EOMES: variants seen among roughly 807,000 people sequenced by gnomAD.
The protein encoded by EOMES is eomesodermin homolog.
EOMES carries 18 observed loss-of-function variants against 61.0 expected under a neutral mutation model. The ratio of observed to expected loss-of-function variants is 0.30; its 90% CI spans 0.20 to 0.44. EOMES has a LOEUF of 0.44. Among genes scored for constraint, EOMES ranks in the 20% least tolerant of loss-of-function variants. The probability of loss-of-function intolerance (pLI) is 1.00; values close to 1 mark genes in which losing one functional copy is unlikely to be tolerated. For missense variants in EOMES, 885 were observed against 939.2 expected, an observed-to-expected ratio of 0.94 and a Z score of 0.75; for synonymous variants, 430 against 394.0, an observed-to-expected ratio of 1.09 and a Z score of -1.08.
chr3:27,721,917 G>C lies in EOMES; in HGVS notation c.378C>G (p.Ala126=). The C allele has an allele frequency of 8.1e-7, 1 of 1,240,862 alleles. No individual in the cohort carries two copies. Among genetic ancestry groups the C allele is most frequent in the Middle Eastern group, 3.0e-4 (1 of 3,360 alleles). 76.9% of individuals were successfully genotyped at this position (1,240,862 alleles called of 1,614,324 possible). A position where few individuals can be genotyped will look rare whatever the true frequency, so the allele number is the denominator to read the frequency against. Residue 126 remains alanine, a synonymous_variant, in exon 1 of 6, where the codon GCC becomes GCG. Coordinates refer to ENST00000449599, the MANE Select transcript of EOMES (RefSeq NM_001278182.2). This position sits in a 1 kb window ranked among gnomAD's most constrained non-coding sequence, Gnocchi z 7.4. ...AGTAGCGCGCAGTGGCCGCAGCCGC[G>C]GCGGCGGCGGCGGCGGCGGCTGCAG... is the stretch of plus-strand genomic sequence containing the variant. ...SAAAAAAAAA[A]AAAATARYSM...
At position 27,721,916 on chromosome 3, in the gene EOMES, C is replaced by CGGG; in HGVS notation, c.378_379insCCC (p.Ala126_Ala127insPro). The stretch of plus-strand genomic sequence containing the variant: ...GAGTAGCGCGCAGTGGCCGCAGCCG[C>CGGG]GGCGGCGGCGGCGGCGGCGGCTGCA... On this transcript the variant is annotated inframe_insertion, in exon 1 of 6. Transcript: ENST00000449599. This position sits in a 1 kb window ranked among gnomAD's most constrained non-coding sequence, Gnocchi z 7.4. 1 of 1,246,978 alleles carries CGGG rather than the reference C, an allele frequency of 8.0e-7. No homozygotes were observed. Among genetic ancestry groups the CGGG allele is most frequent in the Non-Finnish European group, 1.0e-6 (1 of 986,478 alleles). 77.2% of individuals were successfully genotyped at this position (1,246,978 alleles called of 1,614,324 possible). A position where few individuals can be genotyped will look rare whatever the true frequency, so the allele number is the denominator to read the frequency against.
In EOMES at chr3:27,721,932, G is replaced by GGCGGCT; in HGVS notation, c.357_362dup (p.Ala129_Ala130dup). The GGCGGCT allele has an allele frequency of 7.3e-7, 1 of 1,369,454 alleles. No homozygotes were observed. The allele number at this position is 1,369,454 out of a possible 1,614,324, so 84.8% of individuals were successfully genotyped here. On this transcript the variant is annotated inframe_insertion, in exon 1 of 6. Coordinates refer to ENST00000449599, the MANE Select transcript of EOMES (RefSeq NM_001278182.2). The surrounding 1 kb of genome is among the most constrained non-coding windows in gnomAD (Gnocchi z 7.4). The stretch of plus-strand genomic sequence containing the variant: ...CCGCAGCCGCGGCGGCGGCGGCGGC[G>GGCGGCT]GCGGCTGCAGCGGCGGAGGGCAGCT...
intron 2 of EOMES, among the ~76,000 whole-genome samples, chr3:27,719,808 A>G (rs2060597011): frequency 1.3e-5 from 2 of 152,168 alleles, no homozygotes; most frequent in Non-Finnish European, 1.5e-5. Context: ...GATGGAAGAC[A>G]GTTGGATATT....
chr3:27,720,724 T>C (rs989215837), intron 1 of EOMES, among the ~76,000 whole-genome samples: 10 of 152,072 alleles, frequency 6.6e-5, no homozygotes, highest in Non-Finnish European at 1.3e-4. Flanking sequence ...GAGAACAATA[T>C]TAGGTTATTC....
Position 27,718,852 on chromosome 3 carries a change from C to T in EOMES, c.1200G>A (p.Leu400=), listed in dbSNP as rs765769259. 7 of 1,613,804 alleles carry T rather than the reference C, an allele frequency of 4.3e-6. No homozygotes were observed. In the East Asian group the frequency reaches 1.3e-4, roughly 31 times the overall value. The part of the protein sequence containing the change: ...LQSLHKYQPR[L]HIVEVTEDGV... ...CATCCTCTGTAACTTCAACAATATG[C>T]AGTCGGGGTTGGTATTTGTGTAAGG... Residue 400 remains leucine, a synonymous_variant, in exon 4 of 6, where the codon CTG becomes CTA. Transcript: ENST00000449599.
intron 2 of EOMES, among the ~76,000 whole-genome samples, 196 bp downstream of exon 2, chr3:27,719,975 G>A (rs1266268025): frequency 2.6e-5 from 4 of 151,992 alleles, no homozygotes. Flanking sequence ...TCTACATATT[G>A]GCAGACAAGA....
chr3:27,719,765 T>C (rs2060596576), intron 2 of EOMES, among the ~76,000 whole-genome samples: 1 of 152,130 alleles, frequency 6.6e-6, no homozygotes, highest in Non-Finnish European at 1.5e-5. Context: ...GAAGGTCAAT[T>C]TGGGGCCTTC....
upstream of EOMES, chr3:27,722,502 C>T: frequency 1.5e-6 from 2 of 1,351,116 alleles, no homozygotes; most frequent in Non-Finnish European, 1.9e-6. Flanking sequence ...AAGGAAAGCG[C>T]CGTGAGTTGG....
Position 27,721,944 on chromosome 3 carries a change from G to T in EOMES, c.351C>A (p.Ala117=). 1.5e-6 allele frequency: 2 copies of T among 1,296,242 alleles called. No homozygotes were observed. Among genetic ancestry groups the T allele is most frequent in the Middle Eastern group, 2.9e-4 (1 of 3,456 alleles). The allele number at this position is 1,296,242 out of a possible 1,614,324, so 80.3% of individuals were successfully genotyped here. A position where few individuals can be genotyped will look rare whatever the true frequency, so the allele number is the denominator to read the frequency against. Residue 117 remains alanine (A), a synonymous_variant, in exon 1 of 6, where the codon GCC becomes GCA. Coordinates refer to ENST00000449599, the MANE Select transcript of EOMES (RefSeq NM_001278182.2). The surrounding 1 kb of genome is among the most constrained non-coding windows in gnomAD (Gnocchi z 7.4). ...SPCGEEELPS[A]AAAAAAAAAA... ...CGGCGGCGGCGGCGGCGGCTGCAGC[G>T]GCGGAGGGCAGCTCCTCCTCCCCGC...
chr3:27,719,086 G>A (rs754646714), intron 3 of EOMES, among the ~76,000 whole-genome samples, 193 bp from the exon 4 acceptor site: 3 of 151,652 alleles, frequency 2.0e-5, no homozygotes, highest in Non-Finnish European at 4.4e-5. Flanking sequence ...TCATAGCTGG[G>A]TATGTGGTTG....
Position 27,721,574 on chromosome 3 carries a change from C to A in EOMES, c.721G>T (p.Gly241Trp). The A allele has an allele frequency of 1.9e-6, 3 of 1,590,648 alleles. No homozygotes were observed. Among genetic ancestry groups the A allele is most frequent in the South Asian group, 1.1e-5 (1 of 88,106 alleles). Reference protein sequence around the residue: ...YQYSQGAPLYGPYPGAAAAGS... With the variant: ...YQYSQGAPLYWPYPGAAAAGS... ...GCCGCTGCGGCTCCAGGGTACGGCC[C>A]GTAGAGCGGAGCCCCCTGGCTGTAC... is the stretch of plus-strand genomic sequence containing the variant. Residue 241 changes from glycine (G) to tryptophan (W), a missense_variant, in exon 1 of 6, where the codon GGG becomes TGG. Gly to Trp is a radical substitution (Grantham distance 184). Transcript: ENST00000449599. This position sits in a 1 kb window ranked among gnomAD's most constrained non-coding sequence, Gnocchi z 7.4.
chr3:27,721,422 T>C lies in EOMES; in HGVS notation c.873A>G (p.Lys291=). 1 of 1,611,792 alleles carries C rather than the reference T, an allele frequency of 6.2e-7. No individual in the cohort carries two copies. Among genetic ancestry groups the C allele is most frequent in the Non-Finnish European group, 8.5e-7 (1 of 1,179,262 alleles). ...HRHQTEMIIT[K]QGRRMFPFLS... is the part of the protein sequence containing the mutation. ...CTCCACGCTGCGCTCACCTGCCCTG[T>C]TTCGTAATGATCATCTCAGTTTGGT... Residue 291 remains lysine, a synonymous_variant, in exon 1 of 6, where the codon AAA becomes AAG. Transcript: ENST00000449599. This position sits in a 1 kb window ranked among gnomAD's most constrained non-coding sequence, Gnocchi z 7.4.
At position 27,721,561 on chromosome 3, in the gene EOMES, C is replaced by G; in HGVS notation, c.734G>C (p.Gly245Ala). The G allele has an allele frequency of 6.2e-7, 1 of 1,602,178 alleles. No individual in the cohort carries two copies. The highest frequency in any genetic ancestry group is 8.5e-7 in the Non-Finnish European group (1 of 1,175,232). The change falls in exon 1 of 6, where the codon GGA becomes GCA. Residue 245 changes from glycine (G) to alanine (A), a missense_variant. Transcript: ENST00000449599. The surrounding 1 kb of genome is among the most constrained non-coding windows in gnomAD (Gnocchi z 7.4). ...QGAPLYGPYP[G>A]AAAAGSCGGL... Reference sequence around the variant, plus strand: ...TCCGCAAGATCCCGCCGCTGCGGCTCCAGGGTACGGCCCGTAGAGCGGAGC... The same window carrying G: ...TCCGCAAGATCCCGCCGCTGCGGCTGCAGGGTACGGCCCGTAGAGCGGAGC...
In EOMES at chr3:27,718,083, C is replaced by T. The variant is rs867081828; in HGVS notation, c.1380-275G>A. On this transcript the variant is annotated intron_variant, in intron 5 of 5. Transcript: ENST00000449599. ...ATCTACCTTTACTAGTCCTAGAACA[C>T]GAAAAACTCAGATCAAACCTCCTTT... Among the ~76,000 whole-genome samples, 9 of 152,180 alleles carry T rather than the reference C, an allele frequency of 5.9e-5. No homozygotes were observed. The East Asian group carries it at 9.7e-4, about 16-fold the overall frequency.
Position 27,721,678 on chromosome 3 carries a change from G to C in EOMES, c.617C>G (p.Ala206Gly). ...CGCACCGGCTCCTGGGCCGAACTGCGCCCTCCCGGGTGGGCACACAGCCGC... is the reference window on the plus strand; with the variant it reads ...CGCACCGGCTCCTGGGCCGAACTGCCCCCTCCCGGGTGGGCACACAGCCGC... Reference protein sequence around the residue: ...FPAAVCPPGRAQFGPGAGAGS... With the variant: ...FPAAVCPPGRGQFGPGAGAGS... Residue 206 changes from alanine to glycine, a missense_variant, in exon 1 of 6, where the codon GCG becomes GGG. Coordinates refer to ENST00000449599, the MANE Select transcript of EOMES (RefSeq NM_001278182.2). The surrounding 1 kb of genome is among the most constrained non-coding windows in gnomAD (Gnocchi z 7.4). 2 of 1,530,602 alleles carry C rather than the reference G, an allele frequency of 1.3e-6. No homozygotes were observed. The highest frequency in any genetic ancestry group is 1.7e-6 in the Non-Finnish European group (2 of 1,142,906). The allele number at this position is 1,530,602 out of a possible 1,614,324, so 94.8% of individuals were successfully genotyped here. A position where few individuals can be genotyped will look rare whatever the true frequency, so the allele number is the denominator to read the frequency against.
chr3:27,721,730 A>G lies in EOMES; in HGVS notation c.565T>C (p.Ser189Pro). The G allele has an allele frequency of 4.0e-6, 6 of 1,486,464 alleles. No individual in the cohort carries two copies. The highest frequency in any genetic ancestry group is 5.3e-6 in the Non-Finnish European group (6 of 1,129,282). The allele number at this position is 1,486,464 out of a possible 1,614,324, so 92.1% of individuals were successfully genotyped here. A position where few individuals can be genotyped will look rare whatever the true frequency, so the allele number is the denominator to read the frequency against. ...APNGARYPYG[S>P]MLPPGGFPAA... Reference sequence around the variant, plus strand: ...GGGAAGCCGCCGGGGGGCAGCATGGAGCCGTAGGGGTAGCGCGCCCCGTTA... The same window carrying G: ...GGGAAGCCGCCGGGGGGCAGCATGGGGCCGTAGGGGTAGCGCGCCCCGTTA... The change falls in exon 1 of 6, where the codon TCC becomes CCC. Residue 189 changes from serine (S) to proline (P), a missense_variant. Ser to Pro is a moderately conservative substitution (Grantham distance 74, BLOSUM62 -1). Transcript: ENST00000449599. The surrounding 1 kb of genome is among the most constrained non-coding windows in gnomAD (Gnocchi z 7.4).
chr3:27,719,598 G>T, intron 2 of EOMES, 117 bp from the exon 3 acceptor site: 1 of 941,154 alleles, frequency 1.1e-6, no homozygotes, highest in Non-Finnish European at 1.6e-6. Context: ...CTTACAGTTG[G>T]TCTCCCAGTA....
In EOMES at chr3:27,722,242, T is replaced by G. The variant is rs751084550; in HGVS notation, c.53A>C (p.His18Pro). 8 of 1,605,174 alleles carry G rather than the reference T, an allele frequency of 5.0e-6. No homozygotes were observed. The highest frequency in any genetic ancestry group is 1.7e-4 in the Middle Eastern group (1 of 6,038). Residue 18 changes from histidine (H) to proline (P), a missense_variant, in exon 1 of 6, where the codon CAC becomes CCC. Physicochemically the swap from His to Pro is moderately conservative, Grantham distance 77. This residue lies in a region of EOMES where 449 missense variants were observed against 383.6 expected (regional missense o/e 1.17). Transcript: ENST00000449599. ...TCGCGCACTCTCCAGCGGGTAGAAG[T>G]GCGCGCCAGGCAGGTTCACTGAGCT... ...LVSSVNLPGA[H>P]FYPLESARGG...
chr3:27,720,556 A>G (rs1337282374), intron 1 of EOMES, among the ~76,000 whole-genome samples: 1 of 101,778 alleles, frequency 9.8e-6, no homozygotes, highest in Non-Finnish European at 1.8e-5. Context: ...AAAAAAAAAA[A>G]AAAAAAAAAA....
Sources: gnomAD v4.1 joint callset for allele counts (sites outside exome capture counted in the v4.1 genomes callset) on GRCh38, gnomAD v4.1.1 for gene constraint, gnomAD v4.1.1 regional missense constraint, Gnocchi (gnomAD v3.1) non-coding constraint, MANE v1.5 for transcripts, NCBI Gene and HGNC (gene_info 2026-07-23, HGNC 2026-07-21) for gene names.